WDR17: variants seen among roughly 807,000 people sequenced by gnomAD.
WDR17 encodes WD repeat domain 17.
In WDR17, 143 loss-of-function variants were observed where a neutral mutation model predicts 161.7. The observed-to-expected ratio is 0.88, with a 90% CI of 0.77 to 1.02. The LOEUF is 1.02. WDR17 is among the 50% of genes least tolerant of loss of function. WDR17 has a pLI of 0.00. For missense variants in WDR17, 1,469 were observed against 1,520.9 expected (o/e 0.97, Z 0.57); for synonymous variants, 517 against 515.6 (o/e 1.00, Z -0.04).
intron 2 of WDR17, among the ~76,000 whole-genome samples, chr4:176,112,745 G>C (rs1316518329): frequency 6.6e-6 from 1 of 152,074 alleles, no homozygotes; most frequent in Non-Finnish European, 1.5e-5. Context: ...TTTATTAGGA[G>C]TCTTTCCCAT....
intron 22 of WDR17, among the ~76,000 whole-genome samples, chr4:176,163,793 G>A (rs746687075): frequency 2.6e-5 from 4 of 152,154 alleles, no homozygotes; most frequent in Non-Finnish European, 5.9e-5. Context: ...GGGGTAGCCC[G>A]GAAATCCAGG....
chr4:176,144,406 T>C (rs1484677033), intron 11 of WDR17, among the ~76,000 whole-genome samples: 2 of 152,210 alleles, frequency 1.3e-5, no homozygotes, highest in Admixed American at 1.3e-4. Context: ...AAACACTCAG[T>C]TGCTGACCCT....
chr4:176,151,171 A>G (rs1747046359), intron 16 of WDR17, among the ~76,000 whole-genome samples: 1 of 152,194 alleles, frequency 6.6e-6, no homozygotes, highest in Non-Finnish European at 1.5e-5. Flanking sequence ...AGAGGAAGTT[A>G]CTTTCTTTAA....
intron 1 of WDR17, among the ~76,000 whole-genome samples, chr4:176,088,722 T>C (rs539129901): frequency 6.6e-6 from 1 of 152,310 alleles, no homozygotes; most frequent in African/African-American, 2.4e-5. Flanking sequence ...GGTATTTCTT[T>C]GGATCCCAAA....
At chr4:176,138,929 A>C (rs1183368057) in intron 9 of WDR17, among the ~76,000 whole-genome samples, 1 of 151,898 alleles carries the variant, frequency 6.6e-6, no homozygotes, top group Non-Finnish European at 1.5e-5. Context: ...AAAAAGAATT[A>C]TGGGATAGTA....
chr4:176,075,438 C>T (rs1437767935), intron 1 of WDR17, among the ~76,000 whole-genome samples: 2 of 152,070 alleles, frequency 1.3e-5, no homozygotes, highest in Non-Finnish European at 2.9e-5. Flanking sequence ...TGATAATGAA[C>T]ATTTTAGGTT....
At chr4:176,138,544 A>G (rs972141096) in intron 9 of WDR17, among the ~76,000 whole-genome samples, 1 of 151,782 alleles carries the variant, frequency 6.6e-6, no homozygotes, top group African/African-American at 2.4e-5. Context: ...CAGTTTAGCA[A>G]TGCCCCAACC....
In WDR17 at chr4:176,148,120, A is replaced by AT. The variant is rs1399269968; in HGVS notation, c.1695-11dup. On this transcript the variant is annotated splice_polypyrimidine_tract_variant and intron_variant, in intron 12 of 28. Coordinates refer to ENST00000508596, the MANE Select transcript of WDR17 (RefSeq NM_181265.4). Reference sequence around the variant, plus strand: ...ACTTGAATGTTATCACACCCATAATATTCTGTTTTCAGTACCGTTCGAATC... The same window carrying AT: ...ACTTGAATGTTATCACACCCATAATATTTCTGTTTTCAGTACCGTTCGAATC... 1 of 1,611,638 alleles carries AT rather than the reference A, an allele frequency of 6.2e-7. No homozygotes were observed. Among genetic ancestry groups the AT allele is most frequent in the East Asian group, 2.2e-5 (1 of 44,812 alleles).
At chr4:176,140,090 G>A in intron 10 of WDR17, 116 bp downstream of exon 10, 1 of 789,494 alleles carries the variant, frequency 1.3e-6, no homozygotes, top group South Asian at 2.6e-5. Flanking sequence ...AACTCTCAGA[G>A]GCGTTATTTT....
At chr4:176,112,392 G>A (rs908439040) in intron 2 of WDR17, among the ~76,000 whole-genome samples, 2 of 152,120 alleles carry the variant, frequency 1.3e-5, no homozygotes, top group Non-Finnish European at 2.9e-5. Context: ...GTTATCTGTA[G>A]TGCAAATCTA....
At chr4:176,066,867 G>T (rs1035179604) in intron 1 of WDR17, among the ~76,000 whole-genome samples, 7 of 151,912 alleles carry the variant, frequency 4.6e-5, no homozygotes, top group African/African-American at 1.7e-4. Flanking sequence ...ACACAAGTTC[G>T]TTGTAAAAGG....
intron 12 of WDR17, among the ~76,000 whole-genome samples, chr4:176,146,587 A>G (rs1257231285): frequency 6.6e-6 from 1 of 152,132 alleles, no homozygotes; most frequent in East Asian, 1.9e-4. Flanking sequence ...AGTGGGGCCT[A>G]TAAAAGCCTT....
chr4:176,082,321 C>G (rs1195614875), intron 1 of WDR17, among the ~76,000 whole-genome samples: 1 of 151,828 alleles, frequency 6.6e-6, no homozygotes, highest in African/African-American at 2.4e-5. Context: ...ACCATGTATA[C>G]TCGGGGTGAT....
chr4:176,140,937 T>C (rs971326063), intron 10 of WDR17, among the ~76,000 whole-genome samples: 2 of 152,230 alleles, frequency 1.3e-5, no homozygotes, highest in Admixed American at 6.5e-5. Flanking sequence ...CATTATATAT[T>C]TGACAGATAT....
intron 4 of WDR17, among the ~76,000 whole-genome samples, chr4:176,122,736 G>T (rs1192565986): frequency 1.4e-4 from 21 of 152,130 alleles, no homozygotes; most frequent in Admixed American, 1.4e-3. Context: ...CCAGGTTCTT[G>T]CAGGAACCTA....
Position 176,115,823 on chromosome 4 carries a change from C to A in WDR17, c.151C>A (p.Leu51Ile). The change falls in exon 3 of 29, where the codon CTT (leucine) becomes ATT (isoleucine). Residue 51 changes from leucine to isoleucine, a missense_variant. Physicochemically the swap from Leu to Ile is conservative, Grantham distance 5. Coordinates refer to ENST00000508596, the MANE Select transcript of WDR17 (RefSeq NM_181265.4). ...GGATCACCGTTATAATGAATTCAAA[C>A]TTCACGCAATTATGTCTGAACATAA... The part of the protein sequence containing the change: ...QLDHRYNEFK[L>I]HAIMSEHKKT... 1 of 1,606,684 alleles carries A rather than the reference C, an allele frequency of 6.2e-7. No individual in the cohort carries two copies. The highest frequency in any genetic ancestry group is 8.5e-7 in the Non-Finnish European group (1 of 1,176,234).
At chr4:176,171,657 A>G (rs531523144) in intron 23 of WDR17, among the ~76,000 whole-genome samples, 1 of 152,338 alleles carries the variant, frequency 6.6e-6, no homozygotes, top group South Asian at 2.1e-4. Flanking sequence ...TTAAGCTTCA[A>G]CAATTATAAA....
In WDR17 at chr4:176,125,306, A is replaced by T. The variant is rs1742275949; in HGVS notation, c.741A>T (p.Val247=). 6.2e-7 allele frequency: 1 copy of T among 1,614,150 alleles called. No homozygotes were observed. Among genetic ancestry groups the T allele is most frequent in the Non-Finnish European group, 8.5e-7 (1 of 1,180,016 alleles). The change falls in exon 5 of 29, where the codon GTA becomes GTT. Residue 247 remains valine, a synonymous_variant. Coordinates refer to ENST00000508596, the MANE Select transcript of WDR17 (RefSeq NM_181265.4). The part of the protein sequence containing the change: ...TFNLPSAAAS[V]QCLAWVPSAP... Reference sequence around the variant, plus strand: ...ATCTTCCCAGTGCAGCAGCTTCTGTACAGTGCTTAGCCTGGGTTCCCAGTG... The same window carrying T: ...ATCTTCCCAGTGCAGCAGCTTCTGTTCAGTGCTTAGCCTGGGTTCCCAGTG...
chr4:176,165,861 A>T (rs1266096547), intron 22 of WDR17, among the ~76,000 whole-genome samples: 1 of 152,208 alleles, frequency 6.6e-6, no homozygotes, highest in Non-Finnish European at 1.5e-5. Flanking sequence ...ATTCTTTTTT[A>T]ATATATCCAT....
Sources: gnomAD v4.1 joint callset for allele counts (sites outside exome capture counted in the v4.1 genomes callset) on GRCh38, gnomAD v4.1.1 for gene constraint, MANE v1.5 for transcripts, NCBI Gene and HGNC (gene_info 2026-07-23, HGNC 2026-07-21) for gene names.